Variants in PID1 observed in about 807,000 individuals in gnomAD.
PID1 encodes the protein phosphotyrosine interaction domain containing 1.
In PID1, 10 loss-of-function variants were observed where a neutral mutation model predicts 19.1. The ratio of observed to expected loss-of-function variants is 0.52; its 90% CI spans 0.32 to 0.89. The LOEUF is 0.89. PID1 is among the 40% of genes least tolerant of loss of function. The pLI is 0.03. For missense variants in PID1, 248 were observed against 285.3 expected (o/e 0.87, Z 0.94); for synonymous variants, 130 against 116.0 (o/e 1.12, Z -0.78).
chr2:229,258,566 T>C (rs553036996), intron 1 of PID1, among the ~76,000 whole-genome samples: 29 of 152,352 alleles, frequency 1.9e-4, no homozygotes, highest in Admixed American at 9.8e-4. Flanking sequence ...TTAACAGCTC[T>C]GTATAGATAT....
intron 1 of PID1, among the ~76,000 whole-genome samples, chr2:229,193,242 T>G (rs1574709886): frequency 6.6e-6 from 1 of 152,120 alleles, no homozygotes; most frequent in Non-Finnish European, 1.5e-5. Flanking sequence ...CAGGGATGGG[T>G]TGAAGACTGA....
At chr2:229,077,929 A>G (rs897037378) in intron 2 of PID1, among the ~76,000 whole-genome samples, 4 of 152,220 alleles carry the variant, frequency 2.6e-5, no homozygotes, top group African/African-American at 7.2e-5. Context: ...AAGAAAGTCA[A>G]TGGTAGCTTG....
chr2:229,033,855 C>G (rs1352704096), intron 2 of PID1, among the ~76,000 whole-genome samples: 1 of 152,178 alleles, frequency 6.6e-6, no homozygotes. Context: ...GCTCTTAACC[C>G]TGGGCAAAAT....
chr2:229,043,094 T>C (rs1043801535), intron 2 of PID1, among the ~76,000 whole-genome samples: 1 of 151,486 alleles, frequency 6.6e-6, no homozygotes, highest in Non-Finnish European at 1.5e-5. Context: ...CCACCTCCAA[T>C]TCCTGGGTTC....
intron 2 of PID1, among the ~76,000 whole-genome samples, chr2:229,128,473 T>C (rs1015350280): frequency 6.6e-6 from 1 of 152,208 alleles, no homozygotes; most frequent in African/African-American, 2.4e-5. Context: ...TTATGACTTT[T>C]GTTGCTTTGA....
intron 1 of PID1, among the ~76,000 whole-genome samples, chr2:229,223,182 T>C (rs1692009927): frequency 6.6e-6 from 1 of 152,138 alleles, no homozygotes; most frequent in African/African-American, 2.4e-5. Flanking sequence ...TCAAATTCCA[T>C]TGCCACCATA....
intron 1 of PID1, among the ~76,000 whole-genome samples, chr2:229,253,297 C>A (rs990182760): frequency 2.6e-5 from 4 of 152,138 alleles, no homozygotes; most frequent in African/African-American, 9.7e-5. Context: ...ACCAAAATTA[C>A]TTTATTTGTT....
intron 2 of PID1, among the ~76,000 whole-genome samples, chr2:229,127,418 T>C (rs1434149479): frequency 6.6e-6 from 1 of 152,176 alleles, no homozygotes; most frequent in Non-Finnish European, 1.5e-5. Flanking sequence ...TATAAACTTA[T>C]CGGCCACCAG....
At chr2:229,267,027 C>T (rs1164638051) in intron 1 of PID1, among the ~76,000 whole-genome samples, 1 of 152,094 alleles carries the variant, frequency 6.6e-6, no homozygotes, top group South Asian at 2.1e-4. Context: ...GAAGAAAAAT[C>T]TAGAACGATC....
At chr2:229,124,330 T>C (rs1327325175) in intron 2 of PID1, among the ~76,000 whole-genome samples, 1 of 152,214 alleles carries the variant, frequency 6.6e-6, no homozygotes, top group East Asian at 1.9e-4. Context: ...TAACTCCATT[T>C]TATTGCTGTG....
intron 2 of PID1, among the ~76,000 whole-genome samples, chr2:229,114,692 T>G (rs185221211): frequency 6.6e-6 from 1 of 152,316 alleles, no homozygotes; most frequent in African/African-American, 2.4e-5. Context: ...TCCCACAACA[T>G]TCTACCCTCC....
At chr2:229,222,450 A>G (rs917602972) in intron 1 of PID1, among the ~76,000 whole-genome samples, 10 of 152,198 alleles carry the variant, frequency 6.6e-5, no homozygotes. Context: ...TCATACTACT[A>G]TGTGGCTTTT....
rs535052011 is a variant in PID1 at position 229,024,908 on chromosome 2, G to C, written c.*724C>G. The C allele has an allele frequency of 6.5e-6, 1 of 152,680 alleles. No individual in the cohort carries two copies. The highest frequency in any genetic ancestry group is 2.4e-5 in the African/African-American group (1 of 41,456). The allele number at this position is 152,680 out of a possible 1,614,324, so 9.5% of individuals were successfully genotyped here. On this transcript the variant is annotated 3_prime_UTR_variant, in exon 3 of 3. Coordinates refer to ENST00000392055, the MANE Select transcript of PID1 (RefSeq NM_001100818.2). Reference sequence around the variant, plus strand: ...GCTGAGATTTCATCCCTCTAAGGATGTTAGAAGGGGAAAGAGGGTGGACAG... The same window carrying C: ...GCTGAGATTTCATCCCTCTAAGGATCTTAGAAGGGGAAAGAGGGTGGACAG...
At chr2:229,101,316 T>A (rs1372505423) in intron 2 of PID1, among the ~76,000 whole-genome samples, 1 of 152,222 alleles carries the variant, frequency 6.6e-6, no homozygotes, top group Non-Finnish European at 1.5e-5. Flanking sequence ...GCTGCACTTA[T>A]CAACCCATCA....
chr2:229,141,440 G>C (rs1446352436), intron 2 of PID1, among the ~76,000 whole-genome samples: 1 of 152,152 alleles, frequency 6.6e-6, no homozygotes, highest in Non-Finnish European at 1.5e-5. Flanking sequence ...GGTGGACTCT[G>C]AATGAGCTGT....
chr2:229,230,975 C>T (rs1280250593), intron 1 of PID1, among the ~76,000 whole-genome samples: 2 of 152,012 alleles, frequency 1.3e-5, no homozygotes, highest in Non-Finnish European at 2.9e-5. Context: ...CCTAAGAAGA[C>T]AATTACAGAA....
intron 2 of PID1, among the ~76,000 whole-genome samples, chr2:229,057,285 A>G (rs1694122395): frequency 6.6e-6 from 1 of 151,924 alleles, no homozygotes; most frequent in African/African-American, 2.4e-5. Context: ...AAAAATACAA[A>G]AATTAGCTGG....
chr2:229,107,677 G>A (rs1033298175), intron 2 of PID1, among the ~76,000 whole-genome samples: 11 of 152,080 alleles, frequency 7.2e-5, no homozygotes, highest in African/African-American at 2.7e-4. Flanking sequence ...TTTTATATTT[G>A]AGCATTTTGA....
chr2:229,236,977 TACACACAC>T (rs773134027), intron 1 of PID1, among the ~76,000 whole-genome samples: 3 of 56,668 alleles, frequency 5.3e-5, no homozygotes, highest in African/African-American at 1.6e-4. Flanking sequence ...CCTTCTCCTT[TACACACAC>T]ATACACACAC....
Sources: gnomAD v4.1 joint callset for allele counts (sites outside exome capture counted in the v4.1 genomes callset) on GRCh38, gnomAD v4.1.1 for gene constraint, MANE v1.5 for transcripts, NCBI Gene and HGNC (gene_info 2026-07-23, HGNC 2026-07-21) for gene names.